The following TTN variants were observed in gnomAD, a reference collection of about 807,000 sequenced individuals.
TTN encodes the protein titin.
A neutral mutation model predicts 3,223.0 loss-of-function variants in TTN; 1,525 were observed. The observed-to-expected ratio is 0.47, with a 90% CI of 0.45 to 0.49. The LOEUF (loss-of-function observed/expected upper bound fraction) is 0.49. Among genes scored for constraint, TTN ranks in the 20% least tolerant of loss-of-function variants. The pLI is 0.00. For missense variants in TTN, 40,786 were observed against 43,424.0 expected (o/e 0.94, Z 5.40); for synonymous variants, 14,094 against 15,161.0 (o/e 0.93, Z 5.17).
Position 178,562,725 on chromosome 2 carries a change from C to G in TTN, c.83407G>C (p.Val27803Leu). The G allele has an allele frequency of 6.2e-7, 1 of 1,604,542 alleles. No individual in the cohort carries two copies. Among genetic ancestry groups the G allele is most frequent in the South Asian group, 1.1e-5 (1 of 89,186 alleles). ...DGGAKITNYI[V>L]EKRETTRKAY... ...TTTCTTGTAGTTTCTCGTTTTTCGA[C>G]AATGTAGTTTGTAATCTTAGCTCCA... Residue 27803 changes from valine (V) to leucine (L), a missense_variant, in exon 326 of 363, where the codon GTC becomes CTC. By Grantham distance (32) the Val-to-Leu change is conservative (BLOSUM62 1). Transcript: ENST00000589042.
rs2088194295 is a variant in TTN, at chr2:178,759,010, G to A, written c.10277C>T (p.Ser3426Leu). The A allele has an allele frequency of 6.2e-7, 1 of 1,613,906 alleles. No individual in the cohort carries two copies. The highest frequency in any genetic ancestry group is 1.1e-5 in the South Asian group (1 of 91,082). Residue 3426 changes from serine to leucine, a missense_variant, in exon 44 of 363, where the codon TCA (serine) becomes TTA (leucine). Ser to Leu is a moderately radical substitution (Grantham distance 145). Coordinates refer to ENST00000589042, the MANE Select transcript of TTN (RefSeq NM_001267550.2). ...TTCCAGACTCAGGTTGGCTGTGCTT[G>A]ATACTTGGCCTACAGCATTACTAGC... ...FVASNAVGQV[S>L]STANLSLEGF...
chr2:178,529,457 GA>G, intron 359 of TTN: 1 of 361,808 alleles, frequency 2.8e-6, no homozygotes, highest in Non-Finnish European at 4.9e-6. Flanking sequence ...ATGACTTAAG[GA>G]AAAAAGTCTT....
intron 114 of TTN, 99 bp downstream of exon 114, chr2:178,695,766 T>C (rs1411456895): frequency 1.2e-5 from 12 of 985,828 alleles, no homozygotes; most frequent in African/African-American, 1.7e-5. Flanking sequence ...ATTTTAACTA[T>C]TTCACATAAA....
chr2:178,779,155 C>T, intron 23 of TTN, 37 bp from the exon 24 acceptor site: 1 of 1,613,052 alleles, frequency 6.2e-7, no homozygotes, highest in Non-Finnish European at 8.5e-7. Context: ...ATAAAATTTA[C>T]ATCAAATAGT....
chr2:178,605,829 A>G (rs574339751), intron 278 of TTN, 116 bp from the exon 279 acceptor site: 34 of 910,038 alleles, frequency 3.7e-5, no homozygotes, highest in Non-Finnish European at 5.0e-5. Flanking sequence ...ATAACCTTAC[A>G]TCCTTATTTA....
In TTN at chr2:178,704,282, G is replaced by T. The variant is rs368531555; in HGVS notation, c.30088C>A (p.Pro10030Thr). 6.2e-7 allele frequency: 1 copy of T among 1,613,964 alleles called. No individual in the cohort carries two copies. Among genetic ancestry groups the T allele is most frequent in the Non-Finnish European group, 8.5e-7 (1 of 1,179,868 alleles). ...ACTTCTGTTTTATGTCTACCTTGGG[G>T]TTTAAGGATTCTGCCATTTCTGAAC... ...EWFRNGRILK[P>T]QGRHKTEVEH... Residue 10030 changes from proline to threonine, a missense_variant, in exon 106 of 363, where the codon CCC (proline) becomes ACC (threonine). Coordinates refer to ENST00000589042, the MANE Select transcript of TTN (RefSeq NM_001267550.2).
At chr2:178,637,964 G>A (rs1490558537) in intron 223 of TTN, among the ~76,000 whole-genome samples, 1 of 152,040 alleles carries the variant, frequency 6.6e-6, no homozygotes, top group Non-Finnish European at 1.5e-5. Context: ...TAAGGCAGAA[G>A]CAAGAGAGTT....
rs1275979981 is a variant in TTN at position 178,671,274 on chromosome 2, A to AT, written c.35228-105dup. On this transcript the variant is annotated intron_variant, in intron 155 of 362. Transcript: ENST00000589042. ...AGGGGTCACAAAATTCTTTATCTATATTTTTTTAATTTATAACACACTTAT... is the reference window on the plus strand; with the variant it reads ...AGGGGTCACAAAATTCTTTATCTATATTTTTTTTAATTTATAACACACTTAT... 5 of 711,222 alleles carry AT rather than the reference A, an allele frequency of 7.0e-6. No homozygotes were observed. The East Asian group carries it at 1.6e-4, about 23-fold the overall frequency. The allele number at this position is 711,222 out of a possible 1,614,324, so 44.1% of individuals were successfully genotyped here.
chr2:178,723,772 G>C, intron 73 of TTN, 76 bp from the exon 74 acceptor site: 13 of 1,532,838 alleles, frequency 8.5e-6, no homozygotes, highest in Non-Finnish European at 1.1e-5. Flanking sequence ...AAACATTAGA[G>C]CACTTTCAAA....
At position 178,597,928 on chromosome 2, in the gene TTN, A is replaced by G. The variant is rs78509062; in HGVS notation, c.57242T>C (p.Ile19081Thr). 264 of 1,613,320 alleles carry G rather than the reference A, an allele frequency of 1.6e-4. No individual in the cohort carries two copies. Among genetic ancestry groups the G allele is most frequent in the East Asian group, 3.6e-4 (16 of 44,724 alleles). ...ATTACCAAGTCTGTCCTTCATTTCA[A>G]TGACATCTGTGACCTCTCCAGGTTC... ...IGEPGEVTDV[I>T]EMKDRLVSPD... is the part of the protein sequence containing the mutation. The change falls in exon 293 of 363, where the codon ATT (isoleucine) becomes ACT (threonine). Residue 19081 changes from isoleucine to threonine, a missense_variant. Ile to Thr is a moderately conservative substitution (Grantham distance 89). Transcript: ENST00000589042.
In TTN at chr2:178,786,087, G is replaced by C. The variant is rs1300349529; in HGVS notation, c.2131C>G (p.Gln711Glu). Reference protein sequence around the residue: ...AVATVVAAVDQARVREPREPG... With the variant: ...AVATVVAAVDEARVREPREPG... ...TCTCTGGGCTCTCTGACTCGGGCCT[G>C]GTCTACTGCAGCAACAACTGTTGCT... Residue 711 changes from glutamine (Q) to glutamate (E), a missense_variant, in exon 14 of 363, where the codon CAG becomes GAG. Gln to Glu is a conservative substitution (Grantham distance 29). Coordinates refer to ENST00000589042, the MANE Select transcript of TTN (RefSeq NM_001267550.2). The C allele has an allele frequency of 3.7e-6, 6 of 1,613,888 alleles. No homozygotes were observed. Among genetic ancestry groups the C allele is most frequent in the Admixed American group, 3.3e-5 (2 of 59,994 alleles).
Position 178,734,342 on chromosome 2 carries a change from G to T in TTN, c.15482C>A (p.Thr5161Asn). The T allele has an allele frequency of 6.3e-7, 1 of 1,596,264 alleles. No individual in the cohort carries two copies. Among genetic ancestry groups the T allele is most frequent in the Non-Finnish European group, 8.6e-7 (1 of 1,169,488 alleles). The change falls in exon 52 of 363, where the codon ACC becomes AAC. Residue 5161 changes from threonine to asparagine, a missense_variant. Thr to Asn is a moderately conservative substitution (Grantham distance 65, BLOSUM62 0). Coordinates refer to ENST00000589042, the MANE Select transcript of TTN (RefSeq NM_001267550.2). ...CAAGCACTAACCTTTGAGTAAGTGG[G>T]TTGCCATGCAGCCACACTTGCCGAC... Reference protein sequence around the residue: ...NEVGKCGCMATHLLKEPPTFV... With the variant: ...NEVGKCGCMANHLLKEPPTFV...
intron 46 of TTN, among the ~76,000 whole-genome samples, chr2:178,755,534 C>A (rs565057823): frequency 6.6e-6 from 1 of 152,292 alleles, no homozygotes; most frequent in South Asian, 2.1e-4. Context: ...CTCCTGGGTT[C>A]AAGCGATTCT....
At position 178,771,592 on chromosome 2, in the gene TTN, CTA is replaced by C. The variant is rs2091494611; in HGVS notation, c.7856-123_7856-122del. On this transcript the variant is annotated intron_variant, in intron 33 of 362. Transcript: ENST00000589042. The stretch of plus-strand genomic sequence containing the variant: ...ACATGATTTTGAAATCATGAAATGT[CTA>C]TGATTGTTTTTACCCATATTGAGAA... 6.7e-5 allele frequency: 94 copies of C among 1,410,734 alleles called. 1 individual carries two copies. In the South Asian group the frequency reaches 1.1e-3, roughly 16 times the overall value. 87.4% of individuals were successfully genotyped at this position (1,410,734 alleles called of 1,614,324 possible).
Position 178,804,638 on chromosome 2 carries a change from G to A in TTN, c.5C>T (p.Thr2Ile). 7 of 1,613,808 alleles carry A rather than the reference G, an allele frequency of 4.3e-6. No homozygotes were observed. Among genetic ancestry groups the A allele is most frequent in the Non-Finnish European group, 5.9e-6 (7 of 1,179,870 alleles). Residue 2 changes from threonine to isoleucine, a missense_variant, in exon 2 of 363, where the codon ACA (threonine) becomes ATA (isoleucine). By Grantham distance (89) the Thr-to-Ile change is moderately conservative. Transcript: ENST00000589042. M[T>I]TQAPTFTQPL... ...CTGCGTAAACGTCGGTGCTTGAGTT[G>A]TCATCTTTCTAGGCACTCTGAAAAA...
chr2:178,750,195 C>T lies in TTN; in HGVS notation c.11311+2929G>A, dbSNP rs769428404. ...CCCTCTTGACTCATAGATGGATGGG[C>T]GCCTTTTGCTTGGTCAAACACCAAT... is the stretch of plus-strand genomic sequence containing the variant. On this transcript the variant is annotated intron_variant, in intron 47 of 362. Transcript: ENST00000589042. 47 of 1,612,988 alleles carry T rather than the reference C, an allele frequency of 2.9e-5. No individual in the cohort carries two copies. Among genetic ancestry groups the T allele is most frequent in the Admixed American group, 1.7e-4 (10 of 59,832 alleles).
In TTN at chr2:178,582,562, A is replaced by G. The variant is rs1575938216; in HGVS notation, c.65894T>C (p.Ile21965Thr). ...DKPGPPASVKINKMYSDRAML... is the reference protein window; with the variant it reads ...DKPGPPASVKTNKMYSDRAML... Reference sequence around the variant, plus strand: ...AGCACGATCTGAATACATTTTGTTGATTTTAACAGATGCTGGAGGACCCGG... The same window carrying G: ...AGCACGATCTGAATACATTTTGTTGGTTTTAACAGATGCTGGAGGACCCGG... Residue 21965 changes from isoleucine (I) to threonine (T), a missense_variant, in exon 314 of 363, where the codon ATC (isoleucine) becomes ACC (threonine). Ile to Thr is a moderately conservative substitution (Grantham distance 89). Coordinates refer to ENST00000589042, the MANE Select transcript of TTN (RefSeq NM_001267550.2). The G allele has an allele frequency of 1.9e-6, 3 of 1,610,762 alleles. No homozygotes were observed.
At chr2:178,715,798 C>G (rs10183361) in intron 88 of TTN, 24 bp from the exon 89 acceptor site, 2 of 1,557,968 alleles carry the variant, frequency 1.3e-6, no homozygotes, top group East Asian at 4.7e-5. Context: ...AGGAAAAACA[C>G]AGGGTAAGGG....
chr2:178,637,335 G>A, intron 224 of TTN, 34 bp downstream of exon 224: 4 of 1,420,242 alleles, frequency 2.8e-6, no homozygotes, highest in Non-Finnish European at 3.7e-6. Flanking sequence ...AGAGTGGAAG[G>A]TTACAATGCA....
Sources: allele counts gnomAD v4.1 joint callset (sites outside exome capture counted in the v4.1 genomes callset), GRCh38; gene constraint gnomAD v4.1.1; transcripts MANE v1.5; gene names NCBI Gene and HGNC (gene_info 2026-07-23, HGNC 2026-07-21).